Variants in ATAT1 observed in about 807,000 individuals in gnomAD.
ATAT1 encodes alpha-tubulin N-acetyltransferase 1.
Under a neutral mutation model 57.2 loss-of-function variants are expected in ATAT1, and 42 were observed. That is an observed-to-expected ratio of 0.73 (90% CI 0.57 to 0.95). The LOEUF is 0.95. Ranked by LOEUF, ATAT1 falls within the 40% of genes least tolerant of loss-of-function variation. ATAT1 has a pLI of 0.00. For missense variants in ATAT1, 454 were observed against 523.7 expected (o/e 0.87, Z 1.30); for synonymous variants, 168 against 187.1 (o/e 0.90, Z 0.83).
At chr6:30,630,350 G>A (rs1451327783) in intron 6 of ATAT1, among the ~76,000 whole-genome samples, 2 of 150,490 alleles carry the variant, frequency 1.3e-5, no homozygotes, top group Non-Finnish European at 1.5e-5. Flanking sequence ...AGAAAAAAAG[G>A]CCAGGTGCGG....
At chr6:30,637,469 CAA>C (rs1052673598) in intron 6 of ATAT1, among the ~76,000 whole-genome samples, 23 of 151,748 alleles carry the variant, frequency 1.5e-4, no homozygotes, top group African/African-American at 5.3e-4. Flanking sequence ...CTCCTAGGCT[CAA>C]GAGATCTTCC....
intron 6 of ATAT1, among the ~76,000 whole-genome samples, chr6:30,630,905 T>TCC (rs1762718969): frequency 6.7e-6 from 1 of 149,258 alleles, no homozygotes; most frequent in African/African-American, 2.5e-5. Flanking sequence ...GCTACAGCAC[T>TCC]CCACCCTGGG....
chr6:30,627,966 T>G, intron 4 of ATAT1, 55 bp downstream of exon 4: 1 of 1,608,814 alleles, frequency 6.2e-7, no homozygotes, highest in Non-Finnish European at 8.5e-7. Context: ...AGAACAAAAG[T>G]GCTGGAGGTT....
rs747629024 is a variant in ATAT1, at chr6:30,642,841, A to AC, written c.769dup (p.Arg257ProfsTer43). On this transcript the variant is annotated frameshift_variant, in exon 10 of 13. Transcript: ENST00000330083. LOFTEE classifies it high-confidence loss of function. ...GCCGCGCCACACCTCCAGCCCACCCACCCCCCCGCTCCAGCAGCCTGGGAA... is the reference window on the plus strand; with the variant it reads ...GCCGCGCCACACCTCCAGCCCACCCACCCCCCCCGCTCCAGCAGCCTGGGAA... 53 of 302,042 alleles carry AC rather than the reference A, an allele frequency of 1.8e-4. No homozygotes were observed. The highest frequency in any genetic ancestry group is 1.8e-4 in the Non-Finnish European group (32 of 179,682). 18.7% of individuals were successfully genotyped at this position (302,042 alleles called of 1,614,324 possible).
At chr6:30,643,894 T>G in intron 10 of ATAT1, 1 of 1,235,158 alleles carries the variant, frequency 8.1e-7, no homozygotes, top group Non-Finnish European at 1.0e-6. Flanking sequence ...CTGTCAAACT[T>G]TAGACCACCA....
At chr6:30,641,940 T>C in intron 8 of ATAT1, 10 of 1,346,122 alleles carry the variant, frequency 7.4e-6, no homozygotes, top group South Asian at 1.8e-5. Flanking sequence ...CCCTTCGATC[T>C]TTCTCCCTAG....
At chr6:30,640,639 A>C in intron 8 of ATAT1, 36 bp downstream of exon 8, 1 of 1,607,672 alleles carries the variant, frequency 6.2e-7, no homozygotes. Context: ...ACTGTAGTGC[A>C]GTGATGGCTA....
At position 30,642,192 on chromosome 6, in the gene ATAT1, G is replaced by A. The variant is rs1158534219; in HGVS notation, c.633G>A (p.Leu211=). The A allele has an allele frequency of 1.2e-6, 2 of 1,614,124 alleles. No individual in the cohort carries two copies. Among genetic ancestry groups the A allele is most frequent in the African/African-American group, 2.7e-5 (2 of 75,026 alleles). The stretch of plus-strand genomic sequence containing the variant: ...CACTGCCAGCTCCAGCAAGGAAGCT[G>A]CCACCCAAGAGAGCAGAGGGAGACA... The change falls in exon 9 of 13, where the codon CTG becomes CTA. Residue 211 remains leucine, a synonymous_variant. Transcript: ENST00000330083.
intron 10 of ATAT1, chr6:30,643,605 G>C: frequency 6.4e-7 from 1 of 1,550,452 alleles, no homozygotes. Flanking sequence ...GGTGGGCAGG[G>C]AACCCCTCCC....
At chr6:30,642,694 A>C in intron 9 of ATAT1, 74 bp from the exon 10 acceptor site, 1 of 976,366 alleles carries the variant, frequency 1.0e-6, no homozygotes, top group Non-Finnish European at 1.6e-6. Context: ...TTTTTCTACC[A>C]AAACCTTTGC....
rs935673882 is a variant in ATAT1 at position 30,642,233 on chromosome 6, C to G, written c.674C>G (p.Ser225Cys). The stretch of plus-strand genomic sequence containing the variant: ...GAGGGAGACATCAAGCCATACTCCT[C>G]TAGTGACCGAGAATGTAAGAGGGGC... The change falls in exon 9 of 13, where the codon TCT becomes TGT. Residue 225 changes from serine to cysteine, a missense_variant. Around this residue, in one of 3 missense-constraint regions of ATAT1, gnomAD observed 236 missense variants for 284.5 expected, o/e 0.83. Coordinates refer to ENST00000330083, the MANE Select transcript of ATAT1 (RefSeq NM_001031722.4). 1.2e-6 allele frequency: 2 copies of G among 1,614,006 alleles called. No individual in the cohort carries two copies. Among genetic ancestry groups the G allele is most frequent in the African/African-American group, 1.3e-5 (1 of 74,894 alleles).
chr6:30,642,046 T>C lies in ATAT1; in HGVS notation c.617-130T>C, dbSNP rs974030936. On this transcript the variant is annotated intron_variant, in intron 8 of 12. Coordinates refer to ENST00000330083, the MANE Select transcript of ATAT1 (RefSeq NM_001031722.4). ...TGTGCTGGCATTGCCATGGTGCTGC[T>C]CCTGCAAGTTCTCAGGAGGAACTGT... 4.9e-5 allele frequency: 77 copies of C among 1,559,052 alleles called. 2 individuals are homozygous for C. The East Asian group carries it at 1.7e-3, about 35-fold the overall frequency.
At chr6:30,628,484 G>A in intron 6 of ATAT1, 54 bp downstream of exon 6, 3 of 1,422,058 alleles carry the variant, frequency 2.1e-6, no homozygotes, top group Non-Finnish European at 2.0e-6. Context: ...GAATTTATTT[G>A]TTATTTATGG....
intron 8 of ATAT1, 137 bp from the exon 9 acceptor site, chr6:30,642,039 G>A: frequency 1.3e-6 from 2 of 1,552,224 alleles, no homozygotes; most frequent in Admixed American, 1.8e-5. Flanking sequence ...CATTGCCATG[G>A]TGCTGCTCCT....
rs544513882 is a variant in ATAT1, at chr6:30,627,768, C to T, written c.224+41C>T. On this transcript the variant is annotated intron_variant, in intron 3 of 12. Transcript: ENST00000330083. ...TCTTCCATCCCATACTTAATTCCTT[C>T]CTTCCTCAGCCCTTCCCCCATCTTT... The T allele has an allele frequency of 3.1e-6, 5 of 1,605,272 alleles. No individual in the cohort carries two copies. The South Asian group carries it at 3.3e-5, about 11-fold the overall frequency.
Position 30,626,968 on chromosome 6 carries a change from G to A in ATAT1, c.-236G>A. ...CAGCACCTGAGGCCCCCAGCCCGCC[G>A]ACCCGGAACCACAACGCCGGCCCGG... is the stretch of plus-strand genomic sequence containing the variant. On this transcript the variant is annotated 5_prime_UTR_variant, in exon 1 of 13. Coordinates refer to ENST00000330083, the MANE Select transcript of ATAT1 (RefSeq NM_001031722.4). The A allele has an allele frequency of 1.2e-6, 2 of 1,603,786 alleles. No homozygotes were observed. Among genetic ancestry groups the A allele is most frequent in the Non-Finnish European group, 1.7e-6 (2 of 1,175,648 alleles).
At chr6:30,633,287 GAGTAGAC>G (rs923545057) in intron 6 of ATAT1, among the ~76,000 whole-genome samples, 3 of 152,178 alleles carry the variant, frequency 2.0e-5, no homozygotes, top group Non-Finnish European at 4.4e-5. Context: ...GTCCAGGTTT[GAGTAGAC>G]AGTTGGATAC....
chr6:30,641,773 G>A (rs895746317), intron 8 of ATAT1: 32 of 1,016,762 alleles, frequency 3.1e-5, no homozygotes, highest in Non-Finnish European at 3.6e-5. Flanking sequence ...CAAGGGCTTT[G>A]TCCATCTCAT....
At chr6:30,634,905 G>A (rs905787835) in intron 6 of ATAT1, among the ~76,000 whole-genome samples, 7 of 151,550 alleles carry the variant, frequency 4.6e-5, no homozygotes, top group African/African-American at 9.7e-5. Flanking sequence ...GGAGAATGGC[G>A]TGAACCCGGG....
Sources: allele counts gnomAD v4.1 joint callset (sites outside exome capture counted in the v4.1 genomes callset), GRCh38; gene constraint gnomAD v4.1.1; regional missense constraint gnomAD v4.1.1; transcripts MANE v1.5; gene names NCBI Gene and HGNC (gene_info 2026-07-23, HGNC 2026-07-21).